Variants in CLIC5 observed in about 807,000 individuals in gnomAD.
CLIC5 encodes the protein chloride intracellular channel protein 5.
A neutral mutation model predicts 24.7 loss-of-function variants in CLIC5; 20 were observed. That is an observed-to-expected ratio of 0.81 (90% CI 0.57 to 1.18). The LOEUF (loss-of-function observed/expected upper bound fraction) is 1.18, where lower values mean the gene tolerates loss of function less well. Ranked by LOEUF, CLIC5 falls within the 50% of genes most tolerant of loss-of-function variation. CLIC5 has a pLI of 0.00. For missense variants in CLIC5, 341 were observed against 326.1 expected, an observed-to-expected ratio of 1.05 and a Z score of -0.35; for synonymous variants, 159 against 135.6, an observed-to-expected ratio of 1.17 and a Z score of -1.20.
rs1764387134 is a variant in CLIC5, at chr6:45,949,240, A to G, written c.299+16T>C. 9 of 1,610,582 alleles carry G rather than the reference A, an allele frequency of 5.6e-6. No individual in the cohort carries two copies. The East Asian group carries it at 1.1e-4, about 20-fold the overall frequency. ...CCCTTCCCATTCAACAGCCCCAGAAAGAAACAGATCCTTACTTTTCAGGGG... is the reference window on the plus strand; with the variant it reads ...CCCTTCCCATTCAACAGCCCCAGAAGGAAACAGATCCTTACTTTTCAGGGG... On this transcript the variant is annotated intron_variant, in intron 3 of 5. Coordinates refer to ENST00000339561, the MANE Select transcript of CLIC5 (RefSeq NM_016929.5).
rs375259063 is a variant in CLIC5 at position 46,030,969 on chromosome 6, C to G, written c.540+48734G>C. On this transcript the variant is annotated intron_variant, in intron 1 of 5. Coordinates refer to the CLIC5 transcript ENST00000185206. The stretch of plus-strand genomic sequence containing the variant: ...TCATTTTAAACATCTGAAGCCCTAA[C>G]AAACCATCATGTTTTAAAAAGAAGA... Among the ~76,000 whole-genome samples the G allele has an allele frequency of 3.3e-5, 5 of 152,334 alleles. No homozygotes were observed. The East Asian group carries it at 7.7e-4, about 24-fold the overall frequency.
At chr6:45,980,087 G>A (rs556608215) in intron 1 of CLIC5, among the ~76,000 whole-genome samples, 13 of 151,312 alleles carry the variant, frequency 8.6e-5, no homozygotes, top group Admixed American at 2.6e-4. Flanking sequence ...TGTGGTGAAA[G>A]GTAGGGGTTG....
chr6:46,065,779 G>T lies in CLIC5; in HGVS notation c.540+13924C>A, dbSNP rs368187691. 2.1e-3 allele frequency among the ~76,000 whole-genome samples: 326 copies of T among 152,286 alleles called. 1 individual carries two copies. Among genetic ancestry groups the T allele is most frequent in the African/African-American group, 6.4e-3 (265 of 41,558 alleles). ...GTCTGGGAAGGGACTCACAGCAAAG[G>T]AGGTAAGACAGAGCCTTTTGAGGTG... is the stretch of plus-strand genomic sequence containing the variant. On this transcript the variant is annotated intron_variant, in intron 1 of 5. Coordinates refer to the CLIC5 transcript ENST00000185206.
At chr6:45,989,445 A>G (rs1765853827) in intron 1 of CLIC5, among the ~76,000 whole-genome samples, 1 of 152,186 alleles carries the variant, frequency 6.6e-6, no homozygotes, top group South Asian at 2.1e-4. Flanking sequence ...AAATCCCCAA[A>G]TTGAAATGTA....
chr6:45,913,108 A>C (rs972587399), intron 5 of CLIC5, among the ~76,000 whole-genome samples: 3 of 152,246 alleles, frequency 2.0e-5, no homozygotes, highest in Non-Finnish European at 4.4e-5. Context: ...AATAAACTGG[A>C]TATCGTAAAG....
chr6:46,029,450 A>T (rs925516819), intron 1 of CLIC5, among the ~76,000 whole-genome samples: 5 of 152,196 alleles, frequency 3.3e-5, no homozygotes. Flanking sequence ...AAGTAAAGTG[A>T]CTTGCCCAAG....
intron 1 of CLIC5, among the ~76,000 whole-genome samples, chr6:46,021,359 A>T (rs1043138073): frequency 2.0e-5 from 3 of 152,236 alleles, no homozygotes; most frequent in Non-Finnish European, 4.4e-5. Flanking sequence ...CATTCTGGAC[A>T]GCAGTTTGGC....
chr6:45,919,742 T>C (rs988029213), intron 4 of CLIC5, among the ~76,000 whole-genome samples: 8 of 152,162 alleles, frequency 5.3e-5, no homozygotes, highest in African/African-American at 1.9e-4. Flanking sequence ...AAGTCTACTG[T>C]CTTGTTGAAA....
chr6:46,001,160 G>C (rs144053575), intron 1 of CLIC5, among the ~76,000 whole-genome samples: 21 of 152,240 alleles, frequency 1.4e-4, no homozygotes, highest in Non-Finnish European at 1.8e-4. Context: ...GACCTTAACT[G>C]GGAGAGGAAC....
intron 1 of CLIC5, among the ~76,000 whole-genome samples, chr6:46,052,254 G>T (rs1050512195): frequency 6.6e-6 from 1 of 152,184 alleles, no homozygotes; most frequent in African/African-American, 2.4e-5. Flanking sequence ...TTGCAGTAAA[G>T]GGTCCTGTTT....
intron 1 of CLIC5, among the ~76,000 whole-genome samples, chr6:46,034,993 T>G (rs560287044): frequency 3.9e-5 from 6 of 152,224 alleles, no homozygotes; most frequent in African/African-American, 7.2e-5. Context: ...ATTGGAATTA[T>G]TGTCCTCAGC....
At position 45,903,072 on chromosome 6, in the gene CLIC5, G is replaced by C; in HGVS notation, c.*16C>G. 1.2e-6 allele frequency: 2 copies of C among 1,613,872 alleles called. No individual in the cohort carries two copies. Among genetic ancestry groups the C allele is most frequent in the Non-Finnish European group, 1.7e-6 (2 of 1,179,940 alleles). On this transcript the variant is annotated 3_prime_UTR_variant, in exon 6 of 6. Coordinates refer to ENST00000339561, the MANE Select transcript of CLIC5 (RefSeq NM_016929.5). The stretch of plus-strand genomic sequence containing the variant: ...TTGAGTCCTTCTGCAGCGGGGATGG[G>C]GCAAAATGGCTGTGCTCAGGATCGG...
chr6:45,907,709 A>G (rs1018450132), intron 5 of CLIC5, among the ~76,000 whole-genome samples: 2 of 152,080 alleles, frequency 1.3e-5, no homozygotes, highest in African/African-American at 2.4e-5. Context: ...TCATAACTCA[A>G]TTAGTATGTT....
Position 45,900,208 on chromosome 6 carries a change from C to A in CLIC5, c.*2880G>T, listed in dbSNP as rs1028661335. The A allele has an allele frequency of 9.2e-5, 14 of 152,136 alleles. No individual in the cohort carries two copies. The highest frequency in any genetic ancestry group is 3.1e-4 in the African/African-American group (13 of 41,418). 9.4% of individuals were successfully genotyped at this position (152,136 alleles called of 1,614,324 possible). On this transcript the variant is annotated 3_prime_UTR_variant, in exon 6 of 6. Coordinates refer to ENST00000339561, the MANE Select transcript of CLIC5 (RefSeq NM_016929.5). Reference sequence around the variant, plus strand: ...GCCTTCGTCTCCCACTACCCTGCTTCCCCCACCCCCAATAGTGCTGTGCAA... The same window carrying A: ...GCCTTCGTCTCCCACTACCCTGCTTACCCCACCCCCAATAGTGCTGTGCAA...
chr6:46,056,211 C>T (rs998451371), intron 1 of CLIC5, among the ~76,000 whole-genome samples: 3 of 152,134 alleles, frequency 2.0e-5, no homozygotes, highest in Non-Finnish European at 4.4e-5. Flanking sequence ...CCTGTCTGCC[C>T]ACCCCTCTTG....
At chr6:45,985,994 T>C (rs1298232489) in intron 1 of CLIC5, among the ~76,000 whole-genome samples, 2 of 152,048 alleles carry the variant, frequency 1.3e-5, no homozygotes, top group South Asian at 2.1e-4. Context: ...GGATATCTGA[T>C]AGTTTTATAG....
the CLIC5 span, among the ~76,000 whole-genome samples, chr6:46,089,609 G>A: frequency 6.6e-6 from 1 of 151,992 alleles, no homozygotes; most frequent in Non-Finnish European, 1.5e-5. Flanking sequence ...CTTTATTGTG[G>A]GTAGAAAGAT....
At chr6:45,998,206 T>G (rs1766222039) in intron 1 of CLIC5, among the ~76,000 whole-genome samples, 1 of 152,160 alleles carries the variant, frequency 6.6e-6, no homozygotes, top group African/African-American at 2.4e-5. Flanking sequence ...CACGGTGACA[T>G]CCTGGAAAGA....
chr6:45,953,400 G>C (rs888782377), intron 2 of CLIC5, among the ~76,000 whole-genome samples: 1 of 152,122 alleles, frequency 6.6e-6, no homozygotes, highest in Non-Finnish European at 1.5e-5. Flanking sequence ...TGAGTGTGGT[G>C]GGATGGGTAT....
Sources: gnomAD v4.1 joint callset for allele counts (sites outside exome capture counted in the v4.1 genomes callset) on GRCh38, gnomAD v4.1.1 for gene constraint, MANE v1.5 for transcripts, NCBI Gene and HGNC (gene_info 2026-07-23, HGNC 2026-07-21) for gene names.